The following RAPGEF4 variants were observed in gnomAD, a reference collection of about 807,000 sequenced individuals.
The protein encoded by RAPGEF4 is RAP guanine-nucleotide-exchange factor (GEF) 4.
Under a neutral mutation model 147.9 loss-of-function variants are expected in RAPGEF4, and 66 were observed. That is an observed-to-expected ratio of 0.45 (90% CI 0.37 to 0.55). The LOEUF is 0.55. Among genes scored for constraint, RAPGEF4 ranks in the 20% least tolerant of loss-of-function variants. The pLI is 0.00. For synonymous variants in RAPGEF4, 419 were observed against 442.7 expected, an observed-to-expected ratio of 0.95 and a Z score of 0.67; for missense variants, 1,071 against 1,257.3, an observed-to-expected ratio of 0.85 and a Z score of 2.24.
intron 29 of RAPGEF4, chr2:173,048,120 G>A (rs937214993): frequency 1.3e-5 from 2 of 156,276 alleles, no homozygotes; most frequent in African/African-American, 4.8e-5. Flanking sequence ...GTAATACAGA[G>A]TGTGTAGCAA....
intron 10 of RAPGEF4, among the ~76,000 whole-genome samples, chr2:172,970,099 C>T (rs1005319949): frequency 6.6e-6 from 1 of 151,804 alleles, no homozygotes; most frequent in Non-Finnish European, 1.5e-5. Flanking sequence ...TAACAGCTCC[C>T]GAGAGATGGG....
chr2:172,825,119 T>C (rs906466688), intron 4 of RAPGEF4, among the ~76,000 whole-genome samples: 3 of 152,176 alleles, frequency 2.0e-5, no homozygotes, highest in African/African-American at 7.2e-5. Context: ...GATAAACCCA[T>C]TGTAAGTTGA....
intron 4 of RAPGEF4, among the ~76,000 whole-genome samples, chr2:172,901,197 A>G (rs1699024955): frequency 6.6e-6 from 1 of 152,242 alleles, no homozygotes; most frequent in South Asian, 2.1e-4. Flanking sequence ...TTTTAAAACT[A>G]AATTTTCACC....
At chr2:172,819,461 C>CTTTTTTTTTTTTTTTTTTGTTTTTTTTT (rs1688833926) in intron 4 of RAPGEF4, among the ~76,000 whole-genome samples, 1 of 87,008 alleles carries the variant, frequency 1.1e-5, no homozygotes, top group Non-Finnish European at 2.1e-5. Flanking sequence ...ATTTTTAGTT[C>CTTTTTTTTTTTTTTTTTTGTTTTTTTTT]TTTTTTTTTT....
At position 173,027,098 on chromosome 2, in the gene RAPGEF4, C is replaced by T. The variant is rs1192934327; in HGVS notation, c.2397C>T (p.His799=). ...NCVHELELIY[H]TFGRHNFKKT... ...TTTTCTAGCTGGAGCTAATCTATCA[C>T]ACATTTGGAAGGCATAATTTTAAAA... Residue 799 remains histidine (H), a synonymous_variant, in exon 25 of 31, where the codon CAC becomes CAT. Transcript: ENST00000397081. 2 of 1,596,974 alleles carry T rather than the reference C, an allele frequency of 1.3e-6. No homozygotes were observed. The highest frequency in any genetic ancestry group is 8.5e-7 in the Non-Finnish European group (1 of 1,175,278).
At chr2:172,987,403 C>T (rs1225301504) in intron 12 of RAPGEF4, among the ~76,000 whole-genome samples, 1 of 152,200 alleles carries the variant, frequency 6.6e-6, no homozygotes, top group Non-Finnish European at 1.5e-5. Context: ...GTAACTCCTA[C>T]CCTGAATGTA....
intron 1 of RAPGEF4, among the ~76,000 whole-genome samples, chr2:172,773,295 G>A (rs1020341957): frequency 2.0e-5 from 3 of 152,014 alleles, no homozygotes; most frequent in Admixed American, 6.6e-5. Context: ...ATCAAATACA[G>A]CCACAATAAA....
intron 20 of RAPGEF4, 66 bp downstream of exon 20, chr2:173,017,270 T>C: frequency 3.3e-6 from 5 of 1,537,318 alleles, no homozygotes; most frequent in Admixed American, 1.7e-5. Flanking sequence ...AGAAATATTA[T>C]ATTGCAGTAT....
In RAPGEF4 at chr2:173,020,510, T is replaced by C. The variant is rs1006478198; in HGVS notation, c.2156-108T>C. 3.4e-6 allele frequency: 3 copies of C among 881,168 alleles called. No homozygotes were observed. The African/African-American group carries it at 5.0e-5, about 15-fold the overall frequency. 54.6% of individuals were successfully genotyped at this position (881,168 alleles called of 1,614,324 possible). A position where few individuals can be genotyped will look rare whatever the true frequency, so the allele number is the denominator to read the frequency against. On this transcript the variant is annotated intron_variant, in intron 22 of 30. Coordinates refer to ENST00000397081, the MANE Select transcript of RAPGEF4 (RefSeq NM_007023.4). Reference sequence around the variant, plus strand: ...AGTACTCTATTTTATGCAGTCACTCTGCGTGTTCCGGTAATTCACCAAGCT... The same window carrying C: ...AGTACTCTATTTTATGCAGTCACTCCGCGTGTTCCGGTAATTCACCAAGCT...
At chr2:172,826,065 G>A (rs1689636360) in intron 4 of RAPGEF4, among the ~76,000 whole-genome samples, 3 of 152,116 alleles carry the variant, frequency 2.0e-5, no homozygotes, top group African/African-American at 7.2e-5. Context: ...CATGATCTAT[G>A]GTCATCCCTT....
intron 25 of RAPGEF4, among the ~76,000 whole-genome samples, chr2:173,029,211 G>A: frequency 6.6e-6 from 1 of 152,146 alleles, no homozygotes; most frequent in South Asian, 2.1e-4. Flanking sequence ...GACAATTTAA[G>A]AATTACTCTT....
At chr2:172,799,735 T>C (rs935572584) in intron 3 of RAPGEF4, among the ~76,000 whole-genome samples, 10 of 151,692 alleles carry the variant, frequency 6.6e-5, no homozygotes, top group African/African-American at 2.4e-4. Context: ...GGAAGCAAGA[T>C]GAGAATTAAG....
intron 4 of RAPGEF4, among the ~76,000 whole-genome samples, chr2:172,914,319 ATTTTTTTTTTTTTTT>A (rs573065663): frequency 3.2e-5 from 2 of 62,450 alleles, no homozygotes; most frequent in East Asian, 1.0e-3. Context: ...GGAAATATGC[ATTTTTTTTTTTTTTT>A]TTTTTTTTTT....
chr2:172,775,098 A>G (rs1341255626), intron 1 of RAPGEF4, among the ~76,000 whole-genome samples: 1 of 152,136 alleles, frequency 6.6e-6, no homozygotes, highest in Non-Finnish European at 1.5e-5. Context: ...GAAGCCTGTT[A>G]TAATCTCCCA....
chr2:172,906,444 T>G (rs148763095), intron 4 of RAPGEF4, among the ~76,000 whole-genome samples: 1 of 152,238 alleles, frequency 6.6e-6, no homozygotes, highest in Non-Finnish European at 1.5e-5. Flanking sequence ...TCCCTGTGGC[T>G]TCCTGTTTTT....
At chr2:172,747,364 A>G (rs367676381) in intron 1 of RAPGEF4, among the ~76,000 whole-genome samples, 1 of 152,258 alleles carries the variant, frequency 6.6e-6, no homozygotes, top group Non-Finnish European at 1.5e-5. Flanking sequence ...AGAACACTTA[A>G]GATCTACTCT....
intron 4 of RAPGEF4, among the ~76,000 whole-genome samples, chr2:172,860,567 G>GTTT (rs11400519): frequency 1.5e-5 from 2 of 129,568 alleles, no homozygotes; most frequent in African/African-American, 5.6e-5. Flanking sequence ...GTTTATTTGG[G>GTTT]TTTTTTTTTT....
intron 23 of RAPGEF4, among the ~76,000 whole-genome samples, chr2:173,021,104 T>A (rs1696042925): frequency 6.6e-6 from 1 of 152,242 alleles, no homozygotes; most frequent in Admixed American, 6.5e-5. Context: ...CCATCTGATC[T>A]AAGAGAAATG....
At chr2:172,877,037 G>T (rs1199759171) in intron 4 of RAPGEF4, among the ~76,000 whole-genome samples, 4 of 152,246 alleles carry the variant, frequency 2.6e-5, no homozygotes, top group African/African-American at 9.6e-5. Context: ...TTGCGTAGAG[G>T]TGTTTATAGT....
Sources: allele counts gnomAD v4.1 joint callset (sites outside exome capture counted in the v4.1 genomes callset), GRCh38; gene constraint gnomAD v4.1.1; transcripts MANE v1.5; gene names NCBI Gene and HGNC (gene_info 2026-07-23, HGNC 2026-07-21).